PACRGL: variants seen among roughly 807,000 people sequenced by gnomAD.
PACRGL encodes parkin coregulated like.
PACRGL carries 38 observed loss-of-function variants against 34.5 expected under a neutral mutation model. The ratio of observed to expected loss-of-function variants is 1.10; its 90% CI spans 0.85 to 1.44. The LOEUF (loss-of-function observed/expected upper bound fraction) is 1.44, where lower values mean the gene tolerates loss of function less well. PACRGL is among the 40% of genes most tolerant of loss of function. The probability of loss-of-function intolerance (pLI) is 0.00; values close to 1 mark genes in which losing one functional copy is unlikely to be tolerated. For missense variants in PACRGL, 305 were observed against 281.4 expected (o/e 1.08, Z -0.60); for synonymous variants, 128 against 100.1 (o/e 1.28, Z -1.66).
At chr4:20,698,060 T>C (rs1419119540), upstream of PACRGL, among the ~76,000 whole-genome samples, 1 of 152,138 alleles carries the variant, frequency 6.6e-6, no homozygotes, top group Non-Finnish European at 1.5e-5. Context: ...AGCAGGAGAA[T>C]GAATACTCTG....
chr4:20,709,861 A>T (rs1736288464), intron 5 of PACRGL, 88 bp downstream of exon 5: 2 of 1,104,524 alleles, frequency 1.8e-6, no homozygotes, highest in East Asian at 4.8e-5. Context: ...AGTAAATTTC[A>T]TTCTATGCCT....
chr4:20,732,778 A>G (rs1748640414), downstream of PACRGL: 1 of 1,601,206 alleles, frequency 6.2e-7, no homozygotes. Flanking sequence ...CATTATATCA[A>G]GCATTTCCTG....
At position 20,730,204 on chromosome 4, in the gene PACRGL, T is replaced by A; in HGVS notation, c.*2863T>A. ...AAGTACACTATTTTGCCCCTGAGTA[T>A]TGCCTCCTCCCATCAACCACCTCAA... is the stretch of plus-strand genomic sequence containing the variant. On this transcript the variant is annotated 3_prime_UTR_variant, in exon 9 of 9. Transcript: ENST00000503585. 1 of 1,496,054 alleles carries A rather than the reference T, an allele frequency of 6.7e-7. No individual in the cohort carries two copies. Among genetic ancestry groups the A allele is most frequent in the East Asian group, 2.4e-5 (1 of 41,254 alleles). 92.7% of individuals were successfully genotyped at this position (1,496,054 alleles called of 1,614,324 possible). A position where few individuals can be genotyped will look rare whatever the true frequency, so the allele number is the denominator to read the frequency against.
At chr4:20,709,796 A>G (rs375224356) in intron 5 of PACRGL, 23 bp downstream of exon 5, 23 of 1,523,448 alleles carry the variant, frequency 1.5e-5, no homozygotes, top group Non-Finnish European at 2.0e-5. Context: ...TCTCTTGAAT[A>G]TTTATCAGAA....
intron 8 of PACRGL, among the ~76,000 whole-genome samples, chr4:20,739,326 C>G (rs1750488159): frequency 6.6e-6 from 1 of 152,178 alleles, no homozygotes; most frequent in Non-Finnish European, 1.5e-5. Flanking sequence ...TGGGAAACAC[C>G]TCCTAGTAGG....
chr4:20,703,995 T>G (rs528536649), intron 1 of PACRGL, among the ~76,000 whole-genome samples: 1 of 152,332 alleles, frequency 6.6e-6, no homozygotes, highest in South Asian at 2.1e-4. Flanking sequence ...TACATTCAGT[T>G]TAAGGAGCTT....
the PACRGL span, chr4:20,767,260 A>G: frequency 6.6e-6 from 1 of 152,076 alleles, no homozygotes; most frequent in African/African-American, 2.4e-5. Flanking sequence ...AAGTTGAATC[A>G]CTCTATCTAA....
downstream of PACRGL, chr4:20,732,641 C>CCTAA (rs1227873975): frequency 7.5e-7 from 1 of 1,336,798 alleles, no homozygotes; most frequent in South Asian, 1.2e-5. Context: ...GAAATTTTCT[C>CCTAA]CTAACTTCAT....
the PACRGL span, among the ~76,000 whole-genome samples, chr4:20,759,601 G>A: frequency 6.8e-3 from 1,034 of 152,132 alleles, 17 homozygotes; most frequent in South Asian, 0.023. Flanking sequence ...GGGCCACAGG[G>A]CAAGGTTAGC....
In PACRGL at chr4:20,726,215, G is replaced by A. The variant is rs929943053; in HGVS notation, c.691-1070G>A. ...ATATGTGTAAATAAAGTTTAGAAAC[G>A]GCACATTAAGATTTGGAAGGGGAAC... On this transcript the variant is annotated intron_variant, in intron 8 of 8. Transcript: ENST00000503585. 2.6e-5 allele frequency among the ~76,000 whole-genome samples: 4 copies of A among 151,994 alleles called. No individual in the cohort carries two copies. The South Asian group carries it at 8.3e-4, about 32-fold the overall frequency.
intron 1 of PACRGL, among the ~76,000 whole-genome samples, chr4:20,701,132 C>T (rs192622657): frequency 6.6e-6 from 1 of 152,198 alleles, no homozygotes; most frequent in Admixed American, 6.5e-5. Flanking sequence ...ACTTTCTAGA[C>T]CTGGATTAGA....
intron 8 of PACRGL, among the ~76,000 whole-genome samples, chr4:20,740,201 C>A (rs1750728251): frequency 6.6e-6 from 1 of 152,112 alleles, no homozygotes; most frequent in Non-Finnish European, 1.5e-5. Context: ...CCTAGCAAGT[C>A]AGGCCAACAT....
chr4:20,753,265 C>A (rs1753954002), downstream of PACRGL, among the ~76,000 whole-genome samples: 2 of 152,052 alleles, frequency 1.3e-5, no homozygotes, highest in Admixed American at 1.3e-4. Flanking sequence ...CAAGATATTC[C>A]TATACCATCT....
intron 8 of PACRGL, among the ~76,000 whole-genome samples, chr4:20,751,719 A>G (rs1250449279): frequency 1.3e-5 from 2 of 152,224 alleles, no homozygotes; most frequent in Admixed American, 1.3e-4. Context: ...TAACATGGGT[A>G]TATGATAATT....
At chr4:20,705,482 TC>T (rs1734095229) in intron 3 of PACRGL, among the ~76,000 whole-genome samples, 1 of 152,004 alleles carries the variant, frequency 6.6e-6, no homozygotes. Context: ...TATAGTGAGC[TC>T]TCCAAGACAG....
chr4:20,760,590 C>T, the PACRGL span, among the ~76,000 whole-genome samples: 1 of 152,114 alleles, frequency 6.6e-6, no homozygotes, highest in African/African-American at 2.4e-5. Context: ...TACAGAGCTT[C>T]TCGATATGGT....
chr4:20,709,560 A>G, intron 4 of PACRGL, 123 bp from the exon 5 acceptor site: 1 of 595,006 alleles, frequency 1.7e-6, no homozygotes, highest in Non-Finnish European at 2.8e-6. Flanking sequence ...ACTATCTTAT[A>G]AAGTTATGGT....
At chr4:20,719,760 A>C (rs1742071631) in intron 7 of PACRGL, among the ~76,000 whole-genome samples, 1 of 151,786 alleles carries the variant, frequency 6.6e-6, no homozygotes, top group Admixed American at 6.6e-5. Flanking sequence ...CTATGTGGTC[A>C]ATTTTGGAAT....
intron 8 of PACRGL, among the ~76,000 whole-genome samples, chr4:20,743,259 G>GA (rs1270665046): frequency 2.6e-5 from 4 of 151,996 alleles, no homozygotes; most frequent in African/African-American, 4.8e-5. Flanking sequence ...CACAAAATTG[G>GA]AAAAAACTAC....
Sources: allele counts gnomAD v4.1 joint callset (sites outside exome capture counted in the v4.1 genomes callset), GRCh38; gene constraint gnomAD v4.1.1; transcripts MANE v1.5; gene names NCBI Gene and HGNC (gene_info 2026-07-23, HGNC 2026-07-21).